The following ST6GALNAC3 variants were observed in gnomAD, a reference collection of about 807,000 sequenced individuals.
ST6GALNAC3 encodes ST6 N-acetylgalactosaminide alpha-2,6-sialyltransferase 3.
A neutral mutation model predicts 32.7 loss-of-function variants in ST6GALNAC3; 25 were observed. The observed-to-expected ratio is 0.76, with a 90% CI of 0.56 to 1.07. The LOEUF (loss-of-function observed/expected upper bound fraction) is 1.07, where lower values mean the gene tolerates loss of function less well. Ranked by LOEUF, ST6GALNAC3 falls within the 50% of genes least tolerant of loss-of-function variation. The probability of loss-of-function intolerance (pLI) is 0.00; values close to 1 mark genes in which losing one functional copy is unlikely to be tolerated. For synonymous variants in ST6GALNAC3, 129 were observed against 133.1 expected (o/e 0.97, Z 0.21); for missense variants, 355 against 382.4 (o/e 0.93, Z 0.60).
At chr1:76,443,273 C>T (rs546846175) in intron 3 of ST6GALNAC3, among the ~76,000 whole-genome samples, 1 of 152,298 alleles carries the variant, frequency 6.6e-6, no homozygotes, top group Admixed American at 6.5e-5. Context: ...TCTACCTAAG[C>T]CTCCCAAGTA....
At chr1:76,250,939 T>A (rs1208214776) in intron 1 of ST6GALNAC3, among the ~76,000 whole-genome samples, 1 of 152,206 alleles carries the variant, frequency 6.6e-6, no homozygotes. Context: ...CAGTAACCTC[T>A]TAGGTATCAA....
chr1:76,212,177 A>G (rs1449928240), intron 1 of ST6GALNAC3, among the ~76,000 whole-genome samples: 1 of 152,172 alleles, frequency 6.6e-6, no homozygotes, highest in Non-Finnish European at 1.5e-5. Flanking sequence ...CCTCAGAAAA[A>G]CATTCCATTT....
chr1:76,364,666 CAAAAGACATG>C (rs1035955881), intron 2 of ST6GALNAC3, among the ~76,000 whole-genome samples: 1 of 151,620 alleles, frequency 6.6e-6, no homozygotes, highest in Non-Finnish European at 1.5e-5. Flanking sequence ...AAAAAGCAGG[CAAAAGACATG>C]AAAAGACATT....
At chr1:76,198,120 C>G (rs1475742692) in intron 1 of ST6GALNAC3, among the ~76,000 whole-genome samples, 1 of 152,168 alleles carries the variant, frequency 6.6e-6, no homozygotes, top group Non-Finnish European at 1.5e-5. Context: ...TCACTGCAGC[C>G]TTGACTTCCC....
chr1:76,104,686 A>T (rs559517312), intron 1 of ST6GALNAC3, among the ~76,000 whole-genome samples: 1 of 150,478 alleles, frequency 6.6e-6, no homozygotes, highest in African/African-American at 2.4e-5. Flanking sequence ...CTTATCTTCA[A>T]TGGGAAGGTG....
chr1:76,484,708 C>A (rs1397496036), intron 3 of ST6GALNAC3, among the ~76,000 whole-genome samples: 2 of 151,842 alleles, frequency 1.3e-5, no homozygotes, highest in Non-Finnish European at 2.9e-5. Context: ...ACTGAATACC[C>A]TTTCTTTCTT....
intron 3 of ST6GALNAC3, among the ~76,000 whole-genome samples, chr1:76,587,217 G>A (rs927551131): frequency 2.6e-5 from 4 of 152,206 alleles, no homozygotes; most frequent in Non-Finnish European, 2.9e-5. Flanking sequence ...GGAAAGAGAC[G>A]TGTTTGATAA....
intron 3 of ST6GALNAC3, among the ~76,000 whole-genome samples, chr1:76,547,926 T>C (rs1664397365): frequency 6.6e-6 from 1 of 152,112 alleles, no homozygotes; most frequent in South Asian, 2.1e-4. Flanking sequence ...AATTTCTTGT[T>C]TTATAGAAGG....
intron 3 of ST6GALNAC3, among the ~76,000 whole-genome samples, chr1:76,465,951 C>A (rs1048603999): frequency 1.3e-5 from 2 of 152,076 alleles, no homozygotes; most frequent in South Asian, 2.1e-4. Context: ...ATAAAACAAC[C>A]AATTTTTCAT....
Position 76,608,299 on chromosome 1 carries a change from T to G in ST6GALNAC3, c.624-19153T>G, listed in dbSNP as rs565970426. ...ATTTATTCATTTAATCAACAAATAT[T>G]TATTGAGCCTCTATTATATGACAAG... is the stretch of plus-strand genomic sequence containing the variant. On this transcript the variant is annotated intron_variant, in intron 3 of 4. Transcript: ENST00000328299. Among the ~76,000 whole-genome samples, 20 of 152,274 alleles carry G rather than the reference T, an allele frequency of 1.3e-4. No homozygotes were observed. In the South Asian group the frequency reaches 3.7e-3, roughly 28 times the overall value.
intron 2 of ST6GALNAC3, among the ~76,000 whole-genome samples, chr1:76,379,064 A>AT (rs1651496909): frequency 6.6e-6 from 1 of 152,008 alleles, no homozygotes. Context: ...CGGCCGGCTA[A>AT]TTTTTTGTAT....
At chr1:76,200,789 T>C (rs1654473312) in intron 1 of ST6GALNAC3, among the ~76,000 whole-genome samples, 1 of 152,092 alleles carries the variant, frequency 6.6e-6, no homozygotes, top group Non-Finnish European at 1.5e-5. Flanking sequence ...TGGTTCCAGG[T>C]CTAGGAATCC....
chr1:76,461,638 A>T (rs1478739380), intron 3 of ST6GALNAC3, among the ~76,000 whole-genome samples: 2 of 152,122 alleles, frequency 1.3e-5, no homozygotes, highest in East Asian at 3.9e-4. Context: ...TTAACTTGGG[A>T]TACCATTTTG....
intron 1 of ST6GALNAC3, among the ~76,000 whole-genome samples, chr1:76,081,986 G>T (rs1646902103): frequency 6.6e-6 from 1 of 152,220 alleles, no homozygotes; most frequent in Non-Finnish European, 1.5e-5. Flanking sequence ...AGTATTATTA[G>T]TACTGATAAT....
chr1:76,189,000 T>C (rs913933047), intron 1 of ST6GALNAC3, among the ~76,000 whole-genome samples: 1 of 152,212 alleles, frequency 6.6e-6, no homozygotes, highest in Non-Finnish European at 1.5e-5. Context: ...GGTCAGAGGA[T>C]GTCAACATGG....
intron 2 of ST6GALNAC3, among the ~76,000 whole-genome samples, chr1:76,387,608 T>G (rs1298248785): frequency 6.6e-6 from 1 of 152,072 alleles, no homozygotes; most frequent in Non-Finnish European, 1.5e-5. Flanking sequence ...AGTCCCCAAA[T>G]TTACTTGCTT....
chr1:76,153,976 A>G (rs528639779), intron 1 of ST6GALNAC3, among the ~76,000 whole-genome samples: 3 of 152,284 alleles, frequency 2.0e-5, no homozygotes, highest in Admixed American at 2.0e-4. Context: ...GTTCCGTCAC[A>G]GTGATGAGTT....
At position 76,494,566 on chromosome 1, in the gene ST6GALNAC3, C is replaced by A. The variant is rs1319351523; in HGVS notation, c.623+82149C>A. 4.2e-5 allele frequency among the ~76,000 whole-genome samples: 6 copies of A among 144,476 alleles called. No individual in the cohort carries two copies. In the South Asian group the frequency reaches 1.4e-3, roughly 33 times the overall value. 94.8% of individuals were successfully genotyped at this position (144,476 alleles called of 152,430 possible). A position where few individuals can be genotyped will look rare whatever the true frequency, so the allele number is the denominator to read the frequency against. On this transcript the variant is annotated intron_variant, in intron 3 of 4. Transcript: ENST00000328299. ...ATGTGTATAAACACACACACACACACACACACACACACACACACTTTCCCT... is the reference window on the plus strand; with the variant it reads ...ATGTGTATAAACACACACACACACAAACACACACACACACACACTTTCCCT...
chr1:76,204,243 A>G (rs1367420616), intron 1 of ST6GALNAC3, among the ~76,000 whole-genome samples: 3 of 152,178 alleles, frequency 2.0e-5, no homozygotes, highest in Non-Finnish European at 4.4e-5. Context: ...GCTGAATAAT[A>G]TTCCATTGTA....
Sources: gnomAD v4.1 joint callset for allele counts (sites outside exome capture counted in the v4.1 genomes callset) on GRCh38, gnomAD v4.1.1 for gene constraint, MANE v1.5 for transcripts, NCBI Gene and HGNC (gene_info 2026-07-23, HGNC 2026-07-21) for gene names.